EMILIN2: variants seen among roughly 807,000 people sequenced by gnomAD.
EMILIN2 encodes the protein elastin microfibril interfacer 2, also known as EMILIN-2.
In EMILIN2, 71 loss-of-function variants were observed where a neutral mutation model predicts 87.1. The observed-to-expected ratio is 0.82, with a 90% confidence interval of 0.67 to 0.99. The LOEUF is 0.99. Ranked by LOEUF, EMILIN2 falls within the 50% of genes least tolerant of loss-of-function variation. The probability of loss-of-function intolerance (pLI) is 0.00; values close to 1 mark genes in which losing one functional copy is unlikely to be tolerated. For synonymous variants in EMILIN2, 581 were observed against 563.4 expected (o/e 1.03, Z -0.44); for missense variants, 1,407 against 1,371.8 (o/e 1.03, Z -0.40).
At chr18:2,876,594 G>A (rs62075024) in intron 2 of EMILIN2, among the ~76,000 whole-genome samples, 84,482 of 142,346 alleles carry the variant, frequency 0.59, 25,085 homozygotes, top group East Asian at 0.92. Context: ...GTGAAACCCC[G>A]TCTCTACTAA....
Position 2,913,323 on chromosome 18 carries a change from CA to C in EMILIN2, c.3083del (p.Lys1028SerfsTer37). 6.2e-7 allele frequency: 1 copy of C among 1,612,766 alleles called. No individual in the cohort carries two copies. The highest frequency in any genetic ancestry group is 1.1e-5 in the South Asian group (1 of 90,924). ...DAVNVVVTGG[K>X]LAHTDFDEMY... ...CAGTCAACGTCGTGGTGACTGGGGG[CA>C]AGCTGGCTCACACAGACTTTGATGA... On this transcript the variant is annotated frameshift_variant, in exon 8 of 8. Transcript: ENST00000254528. LOFTEE classifies it high-confidence loss of function.
chr18:2,906,711 G>A, intron 4 of EMILIN2, 72 bp from the exon 5 acceptor site: 2 of 1,147,416 alleles, frequency 1.7e-6, no homozygotes, highest in South Asian at 4.0e-5. Flanking sequence ...ACTCATGGAG[G>A]GGACCCTGAC....
intron 4 of EMILIN2, 198 bp from the exon 5 acceptor site, chr18:2,906,585 C>A (rs986277870): frequency 1.0e-5 from 4 of 395,710 alleles, no homozygotes; most frequent in Non-Finnish European, 1.7e-5. Flanking sequence ...GGGTCCCCGG[C>A]GGCGTCCGGG....
rs777623155 is a variant in EMILIN2 at position 2,869,786 on chromosome 18, TTGTGTGTGTG to T, written c.258-15160_258-15151del. ...GATTCCTCTGTGTGTGTGTGTGTGT[TTGTGTGTGTG>T]TGTGTGTGTGTGTGTGTACCATCAT... On this transcript the variant is annotated intron_variant, in intron 2 of 7. Coordinates refer to ENST00000254528, the MANE Select transcript of EMILIN2 (RefSeq NM_032048.3). Among the ~76,000 whole-genome samples, 3 of 59,068 alleles carry T rather than the reference TTGTGTGTGTG, an allele frequency of 5.1e-5. No homozygotes were observed. The Admixed American group carries it at 6.0e-4, about 12-fold the overall frequency. The allele number at this position is 59,068 out of a possible 152,430, so 38.8% of individuals were successfully genotyped here.
Position 2,847,169 on chromosome 18 carries a change from G to A in EMILIN2, c.-20G>A. The stretch of plus-strand genomic sequence containing the variant: ...CGCGCTCCGGACCCGGGCAGGCGGG[G>A]CGCGCCCGCTGCGCGCGGGATGTGG... On this transcript the variant is annotated 5_prime_UTR_variant, in exon 1 of 8. Coordinates refer to ENST00000254528, the MANE Select transcript of EMILIN2 (RefSeq NM_032048.3). This position sits in a 1 kb window ranked among gnomAD's most constrained non-coding sequence, Gnocchi z 4.5. The A allele has an allele frequency of 9.2e-7, 1 of 1,088,468 alleles. No individual in the cohort carries two copies. Among genetic ancestry groups the A allele is most frequent in the Non-Finnish European group, 1.1e-6 (1 of 900,932 alleles). The allele number at this position is 1,088,468 out of a possible 1,614,324, so 67.4% of individuals were successfully genotyped here.
Position 2,906,910 on chromosome 18 carries a change from G to A in EMILIN2, c.2487G>A (p.Arg829=), listed in dbSNP as rs2076916164. ...GGCGACGGCCCGTCCTGCCCCAGCGGCCCCCCGAGGAGAGGCCGCCCCAGC... is the reference window on the plus strand; with the variant it reads ...GGCGACGGCCCGTCCTGCCCCAGCGACCCCCCGAGGAGAGGCCGCCCCAGC... ...DPGRRPVLPQ[R]PPEERPPQPP... is the part of the protein sequence containing the mutation. Residue 829 remains arginine (R), a synonymous_variant, in exon 5 of 8, where the codon CGG becomes CGA. Transcript: ENST00000254528. 5 of 1,393,038 alleles carry A rather than the reference G, an allele frequency of 3.6e-6. No individual in the cohort carries two copies. The highest frequency in any genetic ancestry group is 2.7e-5 in the Admixed American group (1 of 37,040). 86.3% of individuals were successfully genotyped at this position (1,393,038 alleles called of 1,614,324 possible).
intron 2 of EMILIN2, among the ~76,000 whole-genome samples, chr18:2,870,636 C>T (rs1004499105): frequency 1.3e-5 from 2 of 152,190 alleles, no homozygotes; most frequent in Non-Finnish European, 2.9e-5. Flanking sequence ...AGGAGGAATC[C>T]GAGAACTTGT....
intron 2 of EMILIN2, among the ~76,000 whole-genome samples, chr18:2,875,161 G>A (rs2076741024): frequency 1.3e-5 from 2 of 152,230 alleles, no homozygotes; most frequent in African/African-American, 4.8e-5. Flanking sequence ...GAGAAAGGAT[G>A]TCAGTCATTC....
chr18:2,886,177 T>C (rs1156519245), intron 3 of EMILIN2, among the ~76,000 whole-genome samples: 5 of 152,326 alleles, frequency 3.3e-5, no homozygotes, highest in East Asian at 3.9e-4. Flanking sequence ...TCTGTCAGGC[T>C]CTATACTGGG....
intron 2 of EMILIN2, among the ~76,000 whole-genome samples, chr18:2,858,934 C>A (rs1437189602): frequency 6.6e-6 from 1 of 152,134 alleles, no homozygotes; most frequent in Non-Finnish European, 1.5e-5. Flanking sequence ...CCACACCCGG[C>A]CCTATACCAC....
At position 2,880,563 on chromosome 18, in the gene EMILIN2, C is replaced by G. The variant is rs1224831638; in HGVS notation, c.258-4401C>G. On this transcript the variant is annotated intron_variant, in intron 2 of 7. Transcript: ENST00000254528. The surrounding 1 kb of genome is among the most constrained non-coding windows in gnomAD (Gnocchi z 4.1). Reference sequence around the variant, plus strand: ...GCTGGGGCACCATCACAGTCACAGCCGAGGCTGGGAAGGGAGCCAGGGCTG... The same window carrying G: ...GCTGGGGCACCATCACAGTCACAGCGGAGGCTGGGAAGGGAGCCAGGGCTG... Among the ~76,000 whole-genome samples the G allele has an allele frequency of 6.6e-6, 1 of 152,172 alleles. No individual in the cohort carries two copies. Among genetic ancestry groups the G allele is most frequent in the Non-Finnish European group, 1.5e-5 (1 of 68,034 alleles).
chr18:2,885,117 A>G lies in EMILIN2; in HGVS notation c.411A>G (p.Arg137=). The G allele has an allele frequency of 6.2e-7, 1 of 1,608,554 alleles. No individual in the cohort carries two copies. The highest frequency in any genetic ancestry group is 8.5e-7 in the Non-Finnish European group (1 of 1,178,144). Residue 137 remains arginine, a synonymous_variant, in exon 3 of 8, where the codon CGA becomes CGG. Transcript: ENST00000254528. ...KTLRPTPARP[R]NSLKKATDNE... ...TCCGCCCCACGCCGGCTCGGCCTCG[A>G]AACAGCTTGAAGAAAGCCACAGGTA...
At chr18:2,869,748 T>C (rs2143990294) in intron 2 of EMILIN2, among the ~76,000 whole-genome samples, 3 of 151,854 alleles carry the variant, frequency 2.0e-5, no homozygotes, top group Middle Eastern at 6.8e-3. Context: ...TGATTACTTT[T>C]TGTTGTTGGA....
At chr18:2,869,718 C>T (rs1417563888) in intron 2 of EMILIN2, among the ~76,000 whole-genome samples, 1 of 151,486 alleles carries the variant, frequency 6.6e-6, no homozygotes, top group Admixed American at 6.6e-5. Flanking sequence ...CAGGTGTGTG[C>T]CACTGCACCT....
chr18:2,910,869 C>T (rs1838203069), intron 7 of EMILIN2, among the ~76,000 whole-genome samples: 1 of 152,186 alleles, frequency 6.6e-6, no homozygotes, highest in Admixed American at 6.5e-5. Flanking sequence ...CTCAGTGCCC[C>T]AGGCTGATTA....
chr18:2,888,331 C>T (rs35508544), intron 3 of EMILIN2, among the ~76,000 whole-genome samples: 2,247 of 152,200 alleles, frequency 0.015, 52 homozygotes, highest in African/African-American at 0.051. Context: ...AATCTTCCCC[C>T]CTTTGCCGCC....
At chr18:2,903,783 T>A (rs77956137) in intron 4 of EMILIN2, among the ~76,000 whole-genome samples, 1,765 of 152,242 alleles carry the variant, frequency 0.012, 38 homozygotes, top group African/African-American at 0.039. Context: ...CCATTTTTTT[T>A]AAAAATTGAC....
At chr18:2,905,779 T>TG (rs1304487714) in intron 4 of EMILIN2, among the ~76,000 whole-genome samples, 2 of 100,848 alleles carry the variant, frequency 2.0e-5, no homozygotes, top group African/African-American at 4.6e-5. Flanking sequence ...ATTTTTGTTT[T>TG]TTTGTTTTTT....
intron 2 of EMILIN2, among the ~76,000 whole-genome samples, chr18:2,875,076 G>T (rs905639768): frequency 7.2e-4 from 109 of 152,210 alleles, no homozygotes; most frequent in African/African-American, 2.4e-3. Flanking sequence ...GAAAGCACAG[G>T]GTGACCAAAG....
Sources: gnomAD v4.1 joint callset for allele counts (sites outside exome capture counted in the v4.1 genomes callset) on GRCh38, gnomAD v4.1.1 for gene constraint, Gnocchi (gnomAD v3.1) non-coding constraint, MANE v1.5 for transcripts, NCBI Gene and HGNC (gene_info 2026-07-23, HGNC 2026-07-21) for gene names.